Variants in NBPF19 observed in about 807,000 individuals in gnomAD.
NBPF19 encodes the protein NBPF family member NBPF19.
In NBPF19, 30 loss-of-function variants were observed where a neutral mutation model predicts 45.9. That is an observed-to-expected ratio of 0.65 (90% CI 0.49 to 0.89). NBPF19 has a LOEUF of 0.89. Among genes scored for constraint, NBPF19 ranks in the 40% least tolerant of loss-of-function variants. The pLI is 0.00. For missense variants in NBPF19, 495 were observed against 471.8 expected, an observed-to-expected ratio of 1.05 and a Z score of -0.46; for synonymous variants, 183 against 181.2, an observed-to-expected ratio of 1.01 and a Z score of -0.08.
chr1:149,487,725 C>T (rs1422369813), intron 9 of NBPF19, among the ~76,000 whole-genome samples: 11 of 149,248 alleles, frequency 7.4e-5, no homozygotes, highest in African/African-American at 2.7e-4. Context: ...TACAGAGTGT[C>T]CTTTGACTCC....
At position 149,554,597 on chromosome 1, in the gene NBPF19, A is replaced by C. The variant is rs1261229397; in HGVS notation, c.11391A>C (p.Ser3797=). Residue 3797 remains serine (S), a synonymous_variant, in exon 94 of 94, where the codon TCA becomes TCC. Coordinates refer to ENST00000651566, the MANE Select transcript of NBPF19 (RefSeq NM_001351365.2). ...CAATGTACTTTGAACTACCTGACTC[A>C]TTCCAGCACTACAGAAGTGTGTTTT... ...TPSMYFELPD[S]FQHYRSVFYS... is the part of the protein sequence containing the mutation. 3.1e-6 allele frequency: 5 copies of C among 1,608,180 alleles called. No homozygotes were observed. In the Admixed American group the frequency reaches 6.7e-5, roughly 21 times the overall value.
chr1:149,554,594 C>T lies in NBPF19; in HGVS notation c.11388C>T (p.Asp3796=), dbSNP rs1190145844. The T allele has an allele frequency of 1.9e-6, 3 of 1,608,100 alleles. No homozygotes were observed. Among genetic ancestry groups the T allele is most frequent in the African/African-American group, 2.7e-5 (2 of 74,638 alleles). Reference sequence around the variant, plus strand: ...CGTCAATGTACTTTGAACTACCTGACTCATTCCAGCACTACAGAAGTGTGT... The same window carrying T: ...CGTCAATGTACTTTGAACTACCTGATTCATTCCAGCACTACAGAAGTGTGT... The part of the protein sequence containing the change: ...STPSMYFELP[D]SFQHYRSVFY... Residue 3796 remains aspartate, a synonymous_variant, in exon 94 of 94, where the codon GAC becomes GAT. Coordinates refer to ENST00000651566, the MANE Select transcript of NBPF19 (RefSeq NM_001351365.2).
intron 6 of NBPF19, among the ~76,000 whole-genome samples, chr1:149,481,291 GCT>G (rs2085166786): frequency 7.6e-6 from 1 of 132,400 alleles, no homozygotes; most frequent in South Asian, 2.8e-4. Context: ...AGGCTTCACT[GCT>G]CTCAGCTTTC....
At chr1:149,487,809 G>GTGTGTT (rs2085687391) in intron 9 of NBPF19, among the ~76,000 whole-genome samples, 2 of 149,484 alleles carry the variant, frequency 1.3e-5, no homozygotes, top group African/African-American at 2.5e-5. Flanking sequence ...GTGTGTGTGT[G>GTGTGTT]TGTGTGTGTG....
In NBPF19 at chr1:149,555,825, GC is replaced by G. The variant is rs2087238095; in HGVS notation, c.*1089del. On this transcript the variant is annotated 3_prime_UTR_variant, in exon 94 of 94. Transcript: ENST00000651566. Reference sequence around the variant, plus strand: ...TGATTAAATTCAGCCTAAACGTTTTGCCGGGAACACTGCAGAGACAATGCTG... The same window carrying G: ...TGATTAAATTCAGCCTAAACGTTTTGCGGGAACACTGCAGAGACAATGCTG... The G allele has an allele frequency of 1.3e-5, 2 of 148,928 alleles. No homozygotes were observed. Among genetic ancestry groups the G allele is most frequent in the African/African-American group, 4.9e-5 (2 of 40,690 alleles). 9.2% of individuals were successfully genotyped at this position (148,928 alleles called of 1,614,324 possible). A position where few individuals can be genotyped will look rare whatever the true frequency, so the allele number is the denominator to read the frequency against.
chr1:149,528,945 C>CTGTGTG (rs1182341067), intron 61 of NBPF19, among the ~76,000 whole-genome samples: 6 of 108,942 alleles, frequency 5.5e-5, no homozygotes, highest in African/African-American at 1.5e-4. Context: ...TTCTCTCTCT[C>CTGTGTG]TGTGTGTGTG....
At chr1:149,477,649 G>A (rs1171023314) in intron 2 of NBPF19, among the ~76,000 whole-genome samples, 1 of 151,456 alleles carries the variant, frequency 6.6e-6, no homozygotes, top group South Asian at 2.1e-4. Flanking sequence ...AAGTGGCCCC[G>A]CATTCAGAGT....
In NBPF19 at chr1:149,478,143, A is replaced by T. The variant is rs1470190402; in HGVS notation, c.278+96A>T. On this transcript the variant is annotated intron_variant, in intron 3 of 93. Transcript: ENST00000651566. The stretch of plus-strand genomic sequence containing the variant: ...GGAGAAATAAGAACGAAGCTGGGCC[A>T]GGGGAAGGGCAGAAATTGCCATGAC... 8.0e-3 allele frequency: 6,326 copies of T among 794,790 alleles called. 238 individuals are homozygous for T. The highest frequency in any genetic ancestry group is 0.015 in the Middle Eastern group (42 of 2,766). 49.2% of individuals were successfully genotyped at this position (794,790 alleles called of 1,614,324 possible). A position where few individuals can be genotyped will look rare whatever the true frequency, so the allele number is the denominator to read the frequency against.
In NBPF19 at chr1:149,484,503, T is replaced by A. The variant is rs1478699722; in HGVS notation, c.825-1627T>A. ...CTAAGACTTAAAGTATTAAAAAAAA[T>A]ATATATATATATACATACACACAAA... is the stretch of plus-strand genomic sequence containing the variant. On this transcript the variant is annotated intron_variant, in intron 7 of 93. Transcript: ENST00000651566. Among the ~76,000 whole-genome samples the A allele has an allele frequency of 6.9e-3, 998 of 144,248 alleles. 6 individuals are homozygous for A. Among genetic ancestry groups the A allele is most frequent in the South Asian group, 0.024 (101 of 4,274 alleles). 94.6% of individuals were successfully genotyped at this position (144,248 alleles called of 152,430 possible).
At chr1:149,478,239 A>G (rs1253027422) in intron 3 of NBPF19, among the ~76,000 whole-genome samples, 192 bp downstream of exon 3, 1 of 151,292 alleles carries the variant, frequency 6.6e-6, no homozygotes, top group African/African-American at 2.4e-5. Flanking sequence ...GTTGTTTCTT[A>G]GAGCCTTGTT....
At chr1:149,488,445 A>T (rs1332355340) in intron 10 of NBPF19, among the ~76,000 whole-genome samples, 5 of 136,862 alleles carry the variant, frequency 3.7e-5, no homozygotes, top group African/African-American at 1.4e-4. Context: ...ACCTGGGCAG[A>T]TGTGACAAAT....
chr1:149,477,371 T>C (rs1359447944), intron 2 of NBPF19, among the ~76,000 whole-genome samples: 1 of 151,452 alleles, frequency 6.6e-6, no homozygotes, highest in African/African-American at 2.4e-5. Flanking sequence ...CTGCCTCTCA[T>C]ACTAATAAAG....
At position 149,554,756 on chromosome 1, in the gene NBPF19, G is replaced by A. The variant is rs1293288854; in HGVS notation, c.*18G>A. The A allele has an allele frequency of 2.4e-5, 39 of 1,607,620 alleles. No individual in the cohort carries two copies. In the Middle Eastern group the frequency reaches 1.1e-3, roughly 46 times the overall value. ...CACAATAGGCAGCCCTTACTAAGCC[G>A]AGAGATGTCATTCCTGCAGGCAGGA... On this transcript the variant is annotated 3_prime_UTR_variant, in exon 94 of 94. Coordinates refer to ENST00000651566, the MANE Select transcript of NBPF19 (RefSeq NM_001351365.2).
Position 149,554,654 on chromosome 1 carries a change from C to T in NBPF19, c.11448C>T (p.Ala3816=). The T allele has an allele frequency of 1.9e-6, 3 of 1,608,218 alleles. No individual in the cohort carries two copies. The highest frequency in any genetic ancestry group is 2.5e-6 in the Non-Finnish European group (3 of 1,176,722). Residue 3816 remains alanine (A), a synonymous_variant, in exon 94 of 94, where the codon GCC becomes GCT. Transcript: ENST00000651566. ...YSFEEEHISF[A]LYLDNRFFTL... ...TTGAGGAAGAGCATATCAGCTTCGC[C>T]CTTTACTTGGACAATAGGTTTTTTA... is the stretch of plus-strand genomic sequence containing the variant.
intron 43 of NBPF19, among the ~76,000 whole-genome samples, 195 bp from the exon 44 acceptor site, chr1:149,514,741 A>C (rs2137931): frequency 7.7e-4 from 38 of 49,284 alleles, no homozygotes; most frequent in East Asian, 1.9e-3. Flanking sequence ...GTGTGTGTCT[A>C]TCTGTCTTTC....
chr1:149,519,477 G>GTA (rs2086620386), intron 49 of NBPF19, among the ~76,000 whole-genome samples: 9 of 48,156 alleles, frequency 1.9e-4, no homozygotes, highest in African/African-American at 8.0e-4. Flanking sequence ...GTGTGTGTGT[G>GTA]TGTGTGTGTG....
chr1:149,486,679 G>A (rs1315733114), intron 8 of NBPF19, among the ~76,000 whole-genome samples: 8 of 151,422 alleles, frequency 5.3e-5, no homozygotes, highest in Admixed American at 2.6e-4. Flanking sequence ...CCCAAAGCAT[G>A]TCTGTGTGGT....
chr1:149,538,438 T>C (rs1159216902), intron 73 of NBPF19, among the ~76,000 whole-genome samples: 1 of 32,706 alleles, frequency 3.1e-5, no homozygotes, highest in Non-Finnish European at 8.1e-5. Context: ...TCTCTCTCTG[T>C]GTGTGTGTGT....
At chr1:149,477,012 G>A (rs1378422717) in intron 2 of NBPF19, among the ~76,000 whole-genome samples, 2 of 150,632 alleles carry the variant, frequency 1.3e-5, no homozygotes, top group Non-Finnish European at 3.0e-5. Context: ...GTGAAGTCCT[G>A]CTTCCTGGTG....
Sources: allele counts gnomAD v4.1 joint callset (sites outside exome capture counted in the v4.1 genomes callset), GRCh38; gene constraint gnomAD v4.1.1; transcripts MANE v1.5; gene names NCBI Gene and HGNC (gene_info 2026-07-23, HGNC 2026-07-21).